Variants in SLAIN1 observed in about 807,000 individuals in gnomAD.
SLAIN1 encodes SLAIN motif-containing protein 1.
In SLAIN1, 17 loss-of-function variants were observed where a neutral mutation model predicts 55.4. The observed-to-expected ratio is 0.31, with a 90% CI of 0.21 to 0.46. The LOEUF (loss-of-function observed/expected upper bound fraction) is 0.46, where lower values mean the gene tolerates loss of function less well. Ranked by LOEUF, SLAIN1 falls within the 20% of genes least tolerant of loss-of-function variation. The pLI is 1.00. For synonymous variants in SLAIN1, 348 were observed against 337.4 expected, an observed-to-expected ratio of 1.03 and a Z score of -0.35; for missense variants, 682 against 785.1, an observed-to-expected ratio of 0.87 and a Z score of 1.57.
intron 1 of SLAIN1, among the ~76,000 whole-genome samples, chr13:77,711,879 G>GGTCAA (rs1205233847): frequency 6.6e-6 from 1 of 152,120 alleles, no homozygotes; most frequent in Non-Finnish European, 1.5e-5. Flanking sequence ...TATCCACCAC[G>GGTCAA]GTCAAGTCGG....
In SLAIN1 at chr13:77,734,996, G is replaced by A. The variant is rs1478199347; in HGVS notation, c.767-9287G>A. Among the ~76,000 whole-genome samples the A allele has an allele frequency of 3.3e-5, 5 of 151,360 alleles. No individual in the cohort carries two copies. In the East Asian group the frequency reaches 7.7e-4, roughly 23 times the overall value. ...GATCGTGCCACTGCACTCCAGCCTG[G>A]GTGTCAGAGTGAGACTCAGTCTCAA... On this transcript the variant is annotated intron_variant, in intron 2 of 6. Coordinates refer to ENST00000418532, the MANE Select transcript of SLAIN1 (RefSeq NM_001242868.2).
At chr13:77,760,002 T>C (rs1304926853) in intron 5 of SLAIN1, among the ~76,000 whole-genome samples, 2 of 152,220 alleles carry the variant, frequency 1.3e-5, no homozygotes, top group Non-Finnish European at 2.9e-5. Flanking sequence ...AAAGTATTTA[T>C]ATATTTCATG....
At chr13:77,711,510 C>T (rs918774011) in intron 1 of SLAIN1, among the ~76,000 whole-genome samples, 6 of 152,076 alleles carry the variant, frequency 3.9e-5, no homozygotes, top group African/African-American at 1.4e-4. Flanking sequence ...AAACACCCTC[C>T]CCAGACTAAA....
chr13:77,729,406 G>GA (rs1188408726), intron 2 of SLAIN1, among the ~76,000 whole-genome samples: 2 of 151,834 alleles, frequency 1.3e-5, no homozygotes, highest in East Asian at 3.9e-4. Context: ...CTCCACCAAG[G>GA]AAAAAATAAA....
intron 1 of SLAIN1, among the ~76,000 whole-genome samples, chr13:77,709,449 C>T (rs1488284246): frequency 1.3e-5 from 2 of 152,054 alleles, no homozygotes; most frequent in East Asian, 1.9e-4. Context: ...AACTCCAAGA[C>T]ACAAAATTGT....
chr13:77,746,715 A>G lies in SLAIN1; in HGVS notation c.1118A>G (p.His373Arg), dbSNP rs1373673178. ...RCSPFQRGIP[H>R]SQTFSSIREC... ...TCCCCTTTCCAAAGAGGAATTCCCC[A>G]TTCACAGACTTTCTCCAGCATTCGG... Residue 373 changes from histidine to arginine, a missense_variant, in exon 4 of 7, where the codon CAT becomes CGT. This residue lies in a region of SLAIN1 where 244 missense variants were observed against 295.2 expected (regional missense o/e 0.83). Coordinates refer to ENST00000418532, the MANE Select transcript of SLAIN1 (RefSeq NM_001242868.2). 6 of 1,613,826 alleles carry G rather than the reference A, an allele frequency of 3.7e-6. No individual in the cohort carries two copies. Among genetic ancestry groups the G allele is most frequent in the Middle Eastern group, 1.7e-4 (1 of 6,060 alleles).
chr13:77,709,274 C>A (rs1378090866), intron 1 of SLAIN1, among the ~76,000 whole-genome samples: 1 of 151,822 alleles, frequency 6.6e-6, no homozygotes, highest in East Asian at 1.9e-4. Flanking sequence ...GTGAAAAGAC[C>A]AAACCTACAT....
chr13:77,698,608 CG>C lies in SLAIN1; in HGVS notation c.626+75del. On this transcript the variant is annotated intron_variant, in intron 1 of 6. Coordinates refer to ENST00000418532, the MANE Select transcript of SLAIN1 (RefSeq NM_001242868.2). This position sits in a 1 kb window ranked among gnomAD's most constrained non-coding sequence, Gnocchi z 4.1. ...GGCTTCGGGCACCGGGGAGCGGGGG[CG>C]GGGGGCGGACGGGGGTCCCCTCGCG... 7 of 1,332,922 alleles carry C rather than the reference CG, an allele frequency of 5.3e-6. No homozygotes were observed. The South Asian group carries it at 1.2e-4, about 23-fold the overall frequency. The allele number at this position is 1,332,922 out of a possible 1,614,324, so 82.6% of individuals were successfully genotyped here.
intron 2 of SLAIN1, among the ~76,000 whole-genome samples, chr13:77,736,282 A>G (rs1198918670): frequency 6.6e-6 from 1 of 151,466 alleles, no homozygotes; most frequent in African/African-American, 2.4e-5. Context: ...CCTTAAACTC[A>G]CCTTCCTCTC....
chr13:77,744,187 A>G (rs763249789), intron 2 of SLAIN1, 96 bp from the exon 3 acceptor site: 15 of 924,620 alleles, frequency 1.6e-5, no homozygotes, highest in South Asian at 5.4e-5. Flanking sequence ...ACATGAAAAC[A>G]TGAGACAAAT....
chr13:77,726,088 G>C (rs1020392926), intron 2 of SLAIN1, among the ~76,000 whole-genome samples: 2 of 152,202 alleles, frequency 1.3e-5, no homozygotes, highest in Non-Finnish European at 2.9e-5. Context: ...AGTTATGAGA[G>C]AATGTATGGG....
At chr13:77,722,419 A>G (rs187996773) in intron 2 of SLAIN1, among the ~76,000 whole-genome samples, 303 of 146,774 alleles carry the variant, frequency 2.1e-3, no homozygotes, top group African/African-American at 8.0e-3. Flanking sequence ...CTGTTATAAG[A>G]CAAATATCAA....
intron 2 of SLAIN1, among the ~76,000 whole-genome samples, chr13:77,722,450 T>A (rs760136591): frequency 1.1e-4 from 16 of 152,190 alleles, no homozygotes; most frequent in Non-Finnish European, 2.2e-4. Flanking sequence ...CAATCTCTCA[T>A]GCCCTTTTTA....
chr13:77,708,892 C>G (rs1401606269), intron 1 of SLAIN1, among the ~76,000 whole-genome samples: 1 of 151,922 alleles, frequency 6.6e-6, no homozygotes, highest in African/African-American at 2.4e-5. Flanking sequence ...AGCAAGGGAA[C>G]AAAACTGGAC....
At position 77,722,592 on chromosome 13, in the gene SLAIN1, G is replaced by A. The variant is rs899041871; in HGVS notation, c.766+2921G>A. Among the ~76,000 whole-genome samples, 6 of 152,010 alleles carry A rather than the reference G, an allele frequency of 3.9e-5. No individual in the cohort carries two copies. The South Asian group carries it at 8.3e-4, about 21-fold the overall frequency. On this transcript the variant is annotated intron_variant, in intron 2 of 6. Coordinates refer to ENST00000418532, the MANE Select transcript of SLAIN1 (RefSeq NM_001242868.2). ...ACATTATCCATTGGCTTTTGACTTTGGATGGTGAAGATTTAATTCTTTTAC... is the reference window on the plus strand; with the variant it reads ...ACATTATCCATTGGCTTTTGACTTTAGATGGTGAAGATTTAATTCTTTTAC...
At chr13:77,710,717 T>C (rs988849140) in intron 1 of SLAIN1, among the ~76,000 whole-genome samples, 1 of 152,220 alleles carries the variant, frequency 6.6e-6, no homozygotes, top group Non-Finnish European at 1.5e-5. Flanking sequence ...GGACTTGAAC[T>C]CAGCTGTGGA....
intron 1 of SLAIN1, chr13:77,699,291 TTTAAA>T (rs1246044161): frequency 3.3e-6 from 1 of 304,928 alleles, no homozygotes; most frequent in African/African-American, 2.1e-5. Context: ...TCTTTAATTT[TTTAAA>T]TTAAACTGTA....
chr13:77,709,901 G>A (rs757219511), intron 1 of SLAIN1, among the ~76,000 whole-genome samples: 21 of 152,066 alleles, frequency 1.4e-4, no homozygotes, highest in Admixed American at 4.6e-4. Flanking sequence ...CTCCTGAGTA[G>A]TTGGGATTAC....
chr13:77,723,933 A>T (rs1173311155), intron 2 of SLAIN1, among the ~76,000 whole-genome samples: 1 of 4,164 alleles, frequency 2.4e-4, no homozygotes, highest in Admixed American at 2.6e-3. Context: ...TTTGGAGATT[A>T]AAAAAAAAAA....
Sources: allele counts gnomAD v4.1 joint callset (sites outside exome capture counted in the v4.1 genomes callset), GRCh38; gene constraint gnomAD v4.1.1; regional missense constraint gnomAD v4.1.1; non-coding constraint Gnocchi (gnomAD v3.1); transcripts MANE v1.5; gene names NCBI Gene and HGNC (gene_info 2026-07-23, HGNC 2026-07-21).